Variants in GRID1 observed in about 807,000 individuals in gnomAD.
GRID1 encodes the protein glutamate ionotropic receptor delta type subunit 1.
Under a neutral mutation model 98.0 loss-of-function variants are expected in GRID1, and 28 were observed. The observed-to-expected ratio is 0.29, with a 90% CI of 0.21 to 0.39. The LOEUF (loss-of-function observed/expected upper bound fraction) is 0.39. GRID1 is among the 10% of genes least tolerant of loss of function. The pLI is 1.00. For synonymous variants in GRID1, 553 were observed against 538.5 expected, an observed-to-expected ratio of 1.03 and a Z score of -0.37; for missense variants, 1,111 against 1,340.5, an observed-to-expected ratio of 0.83 and a Z score of 2.67.
rs1003697336 is a variant in GRID1, at chr10:85,763,565, A to G, written c.1234-33951T>C. Reference sequence around the variant, plus strand: ...GGTTAGGAAAACTTCAAGTGACAAAACATGACCTGCAGACATCACCAACAT... The same window carrying G: ...GGTTAGGAAAACTTCAAGTGACAAAGCATGACCTGCAGACATCACCAACAT... On this transcript the variant is annotated intron_variant, in intron 8 of 15. Coordinates refer to ENST00000327946, the MANE Select transcript of GRID1 (RefSeq NM_017551.3). Among the ~76,000 whole-genome samples, 6 of 152,208 alleles carry G rather than the reference A, an allele frequency of 3.9e-5. No individual in the cohort carries two copies. The South Asian group carries it at 1.2e-3, about 32-fold the overall frequency.
chr10:85,756,651 T>A (rs558575594), intron 8 of GRID1, among the ~76,000 whole-genome samples: 1 of 152,314 alleles, frequency 6.6e-6, no homozygotes, highest in Admixed American at 6.5e-5. Flanking sequence ...AGTCTAAAAC[T>A]TACAAATTGT....
Position 86,206,401 on chromosome 10 carries a change from G to C in GRID1, c.483C>G (p.Arg161=). The change falls in exon 3 of 16, where the codon CGC becomes CGG. Residue 161 remains arginine, a synonymous_variant. Transcript: ENST00000327946. The surrounding 1 kb of genome is among the most constrained non-coding windows in gnomAD (Gnocchi z 4.1). The part of the protein sequence containing the change: ...DVMLRLVTEL[R]WQKFVMFYDS... ...CGTAGAACATGACGAACTTCTGCCA[G>C]CGCAGCTCCGTCACCAGCCTGAGCA... The C allele has an allele frequency of 6.2e-7, 1 of 1,610,074 alleles. No individual in the cohort carries two copies. Among genetic ancestry groups the C allele is most frequent in the East Asian group, 2.2e-5 (1 of 44,768 alleles).
chr10:86,036,123 T>C (rs1843257593), intron 4 of GRID1, among the ~76,000 whole-genome samples: 1 of 152,096 alleles, frequency 6.6e-6, no homozygotes, highest in Admixed American at 6.6e-5. Flanking sequence ...ACTCATGCAA[T>C]GCAGTTGGGG....
Position 86,358,674 on chromosome 10 carries a change from T to A in GRID1, c.235+5267A>T, listed in dbSNP as rs549974674. On this transcript the variant is annotated intron_variant, in intron 2 of 15. Transcript: ENST00000327946. ...TCGGGAGGCTGAGGCGGGAGAATAG[T>A]GTGAATCCGGGAGGCAGAGCTTGCA... Among the ~76,000 whole-genome samples, 7 of 151,702 alleles carry A rather than the reference T, an allele frequency of 4.6e-5. 1 individual carries two copies. Among genetic ancestry groups the A allele is most frequent in the African/African-American group, 1.7e-4 (7 of 41,336 alleles).
chr10:86,332,437 C>A (rs193210126), intron 2 of GRID1, among the ~76,000 whole-genome samples: 2 of 152,232 alleles, frequency 1.3e-5, no homozygotes, highest in East Asian at 3.9e-4. Context: ...TCAGAGCTCC[C>A]AGGGGTCTGC....
chr10:85,621,848 C>A (rs1411636594), intron 13 of GRID1, among the ~76,000 whole-genome samples: 1 of 152,120 alleles, frequency 6.6e-6, no homozygotes, highest in Non-Finnish European at 1.5e-5. Context: ...CTCTTAGTAA[C>A]CAAGTTTCTC....
chr10:86,330,753 G>A (rs544353381), intron 2 of GRID1, among the ~76,000 whole-genome samples: 1 of 152,376 alleles, frequency 6.6e-6, no homozygotes, highest in South Asian at 2.1e-4. Context: ...GCCGAGGGAA[G>A]TAGGTTTCCT....
At chr10:85,730,316 G>T (rs1841808629) in intron 8 of GRID1, among the ~76,000 whole-genome samples, 1 of 152,238 alleles carries the variant, frequency 6.6e-6, no homozygotes, top group South Asian at 2.1e-4. Flanking sequence ...ACAATGAGGA[G>T]ACACAGTTGT....
At chr10:85,608,319 AAT>A (rs1305623864) in intron 15 of GRID1, among the ~76,000 whole-genome samples, 11 of 152,194 alleles carry the variant, frequency 7.2e-5, no homozygotes, top group African/African-American at 2.7e-4. Context: ...AGATCTCCCT[AAT>A]ATGACCCTTT....
chr10:86,173,682 G>C (rs1413814936), intron 3 of GRID1, among the ~76,000 whole-genome samples: 2 of 151,232 alleles, frequency 1.3e-5, no homozygotes, highest in Non-Finnish European at 2.9e-5. Context: ...CCATTAACTC[G>C]TCATTTAGCA....
In GRID1 at chr10:85,600,833, T is replaced by G. The variant is rs1435638405; in HGVS notation, c.*1440A>C. On this transcript the variant is annotated 3_prime_UTR_variant, in exon 16 of 16. Transcript: ENST00000327946. ...AACTGGGCTTCCCTGCAGCTGTACCTGCACAGGGATAGGCCTGGAAATCTC... is the reference window on the plus strand; with the variant it reads ...AACTGGGCTTCCCTGCAGCTGTACCGGCACAGGGATAGGCCTGGAAATCTC... The G allele has an allele frequency of 6.6e-6, 1 of 152,234 alleles. No homozygotes were observed. Among genetic ancestry groups the G allele is most frequent in the Admixed American group, 6.5e-5 (1 of 15,280 alleles). The allele number at this position is 152,234 out of a possible 1,614,324, so 9.4% of individuals were successfully genotyped here.
At chr10:85,782,649 G>T (rs896070656) in intron 8 of GRID1, among the ~76,000 whole-genome samples, 1 of 152,236 alleles carries the variant, frequency 6.6e-6, no homozygotes, top group African/African-American at 2.4e-5. Context: ...ATGAGTATCA[G>T]GGGAAGGGCA....
intron 15 of GRID1, among the ~76,000 whole-genome samples, chr10:85,603,280 C>T (rs886531688): frequency 6.6e-6 from 1 of 152,190 alleles, no homozygotes; most frequent in Non-Finnish European, 1.5e-5. Context: ...CCTGTGTCCT[C>T]CCTGTGCAAT....
intron 3 of GRID1, among the ~76,000 whole-genome samples, chr10:86,183,551 G>T (rs1845687937): frequency 6.6e-6 from 1 of 152,082 alleles, no homozygotes. Flanking sequence ...TAGAGACAGG[G>T]TTTCATCATG....
At chr10:85,664,515 T>C (rs1185244890) in intron 12 of GRID1, among the ~76,000 whole-genome samples, 1 of 152,206 alleles carries the variant, frequency 6.6e-6, no homozygotes, top group African/African-American at 2.4e-5. Context: ...ATTTATGTCT[T>C]ATTATCCTGC....
chr10:85,847,909 T>C (rs1031578787), intron 8 of GRID1, among the ~76,000 whole-genome samples: 1 of 152,202 alleles, frequency 6.6e-6, no homozygotes, highest in African/African-American at 2.4e-5. Flanking sequence ...AAACTATTTA[T>C]TGGAACAAAA....
At chr10:85,946,436 T>C (rs1435623081) in intron 4 of GRID1, among the ~76,000 whole-genome samples, 1 of 152,344 alleles carries the variant, frequency 6.6e-6, no homozygotes, top group Non-Finnish European at 1.5e-5. Flanking sequence ...GCTTTTTGAC[T>C]TAAAAATTAG....
chr10:85,619,758 T>C, intron 14 of GRID1, 109 bp downstream of exon 14: 2 of 824,380 alleles, frequency 2.4e-6, no homozygotes, highest in South Asian at 1.7e-5. Context: ...TGGGAAAATA[T>C]GACGAACAAA....
chr10:86,188,122 G>A (rs899211635), intron 3 of GRID1, among the ~76,000 whole-genome samples: 2 of 152,254 alleles, frequency 1.3e-5, no homozygotes, highest in Admixed American at 6.5e-5. Flanking sequence ...GCGTGAGCGT[G>A]TATGGCTCCT....
Sources: allele counts gnomAD v4.1 joint callset (sites outside exome capture counted in the v4.1 genomes callset), GRCh38; gene constraint gnomAD v4.1.1; non-coding constraint Gnocchi (gnomAD v3.1); transcripts MANE v1.5; gene names NCBI Gene and HGNC (gene_info 2026-07-23, HGNC 2026-07-21).